Variants in CPT2 observed in about 807,000 individuals in gnomAD.
The protein encoded by CPT2 is carnitine palmitoyltransferase 2.
A neutral mutation model predicts 48.6 loss-of-function variants in CPT2; 37 were observed. The observed-to-expected ratio is 0.76, with a 90% CI of 0.59 to 1.00. The LOEUF is 1.00. Among genes scored for constraint, CPT2 ranks in the 50% least tolerant of loss-of-function variants. CPT2 has a pLI of 0.00. For missense variants in CPT2, 772 were observed against 825.6 expected (o/e 0.94, Z 0.80); for synonymous variants, 319 against 326.9 (o/e 0.98, Z 0.26).
chr1:53,208,349 C>T (rs557420210), intron 3 of CPT2: 2 of 152,310 alleles, frequency 1.3e-5, no homozygotes, highest in South Asian at 2.1e-4. Flanking sequence ...TAATCCTTTT[C>T]CCAGTGCTAT....
chr1:53,202,765 T>G, intron 3 of CPT2: 1 of 329,496 alleles, frequency 3.0e-6, no homozygotes, highest in Non-Finnish European at 5.9e-6. Flanking sequence ...AACTGTCCTC[T>G]CCAGCCTCTT....
intron 3 of CPT2, chr1:53,209,543 A>G (rs1645407968): frequency 5.1e-6 from 1 of 194,904 alleles, no homozygotes; most frequent in Admixed American, 5.3e-5. Flanking sequence ...TAGGAGGCCG[A>G]GGCGGGTGGA....
At chr1:53,205,039 A>T (rs1225461578) in intron 3 of CPT2, among the ~76,000 whole-genome samples, 1 of 152,234 alleles carries the variant, frequency 6.6e-6, no homozygotes, top group Non-Finnish European at 1.5e-5. Flanking sequence ...TGCTACAAAG[A>T]TACCTGAAAA....
intron 3 of CPT2, among the ~76,000 whole-genome samples, chr1:53,205,114 A>C (rs1021703738): frequency 6.6e-6 from 1 of 152,206 alleles, no homozygotes; most frequent in South Asian, 2.1e-4. Context: ...GGTCAGAAGA[A>C]GACAGGAAGA....
At position 53,213,487 on chromosome 1, in the gene CPT2, C is replaced by T. The variant is rs1645444136; in HGVS notation, c.1869C>T (p.Cys623=). 1.9e-6 allele frequency: 3 copies of T among 1,614,282 alleles called. No homozygotes were observed. Among genetic ancestry groups the T allele is most frequent in the Non-Finnish European group, 2.5e-6 (3 of 1,180,044 alleles). The change falls in exon 5 of 5, where the codon TGC becomes TGT. Residue 623 remains cysteine (C), a synonymous_variant. Transcript: ENST00000371486. The stretch of plus-strand genomic sequence containing the variant: ...CTGTTCATGACAACTGGATAGGCTG[C>T]AATGTCTCTTCCTACCCAGGCCGCA... The part of the protein sequence containing the change: ...GYAVHDNWIG[C]NVSSYPGRNA...
chr1:53,203,022 A>G (rs962444305), intron 3 of CPT2: 1 of 157,762 alleles, frequency 6.3e-6, no homozygotes, highest in Non-Finnish European at 1.4e-5. Flanking sequence ...TAGTTTATAT[A>G]TTTACCAAGG....
At position 53,210,987 on chromosome 1, in the gene CPT2, T is replaced by A. The variant is rs377616144; in HGVS notation, c.1313T>A (p.Met438Lys). Reference protein sequence around the residue: ...TAAKEKFDATMKTLTIDCVQF... With the variant: ...TAAKEKFDATKKTLTIDCVQF... Reference sequence around the variant, plus strand: ...GCTAAGGAAAAGTTTGATGCCACCATGAAAACCCTCACTATTGACTGCGTC... The same window carrying A: ...GCTAAGGAAAAGTTTGATGCCACCAAGAAAACCCTCACTATTGACTGCGTC... The change falls in exon 4 of 5, where the codon ATG becomes AAG. Residue 438 changes from methionine to lysine, a missense_variant. Physicochemically the swap from Met to Lys is moderately conservative, Grantham distance 95. Transcript: ENST00000371486. 7.4e-6 allele frequency: 12 copies of A among 1,614,056 alleles called. No homozygotes were observed. The highest frequency in any genetic ancestry group is 5.5e-5 in the South Asian group (5 of 91,078).
chr1:53,197,937 C>T lies in CPT2; in HGVS notation c.152+842C>T, dbSNP rs192916683. Among the ~76,000 whole-genome samples, 492 of 152,226 alleles carry T rather than the reference C, an allele frequency of 3.2e-3. 3 individuals are homozygous for T. The highest frequency in any genetic ancestry group is 0.011 in the African/African-American group (475 of 41,536). ...CTCCTCCTCACCACTGGCTACCCTG[C>T]CTTCGAAACACTTCACCCAGAATCG... On this transcript the variant is annotated intron_variant, in intron 1 of 4. Transcript: ENST00000371486.
At chr1:53,197,497 C>T (rs1165442016) in intron 1 of CPT2, 1 of 298,398 alleles carries the variant, frequency 3.4e-6, no homozygotes, top group African/African-American at 2.3e-5. Context: ...ACATTCCTAC[C>T]CGGAATATGG....
chr1:53,199,177 C>T lies in CPT2; in HGVS notation c.153-1542C>T, dbSNP rs1037131018. Among the ~76,000 whole-genome samples, 4 of 152,174 alleles carry T rather than the reference C, an allele frequency of 2.6e-5. No homozygotes were observed. In the East Asian group the frequency reaches 5.8e-4, roughly 22 times the overall value. ...CCGGGTTCAAAGGATCCTCCCGCCTCAGCCTCCCAAGTAGCTGGGATTACA... is the reference window on the plus strand; with the variant it reads ...CCGGGTTCAAAGGATCCTCCCGCCTTAGCCTCCCAAGTAGCTGGGATTACA... On this transcript the variant is annotated intron_variant, in intron 1 of 4. Coordinates refer to ENST00000371486, the MANE Select transcript of CPT2 (RefSeq NM_000098.3).
intron 2 of CPT2, 34 bp from the exon 3 acceptor site, chr1:53,202,289 A>G: frequency 6.4e-7 from 1 of 1,554,538 alleles, no homozygotes; most frequent in South Asian, 1.1e-5. Flanking sequence ...ATTCCCTACC[A>G]TGGTTTGATT....
At chr1:53,199,603 A>G (rs1040016232) in intron 1 of CPT2, among the ~76,000 whole-genome samples, 1 of 152,246 alleles carries the variant, frequency 6.6e-6, no homozygotes, top group Non-Finnish European at 1.5e-5. Flanking sequence ...CTACTGTAAT[A>G]AAACTAAATC....
intron 4 of CPT2, 185 bp from the exon 5 acceptor site, chr1:53,213,079 T>TA: frequency 1.6e-6 from 1 of 619,044 alleles, no homozygotes; most frequent in East Asian, 2.7e-5. Flanking sequence ...ATTTCCTAAA[T>TA]AATTTAAAAT....
chr1:53,210,803 G>C lies in CPT2; in HGVS notation c.1129G>C (p.Gly377Arg). The change falls in exon 4 of 5, where the codon GGT becomes CGT. Residue 377 changes from glycine (G) to arginine (R), a missense_variant. Coordinates refer to ENST00000371486, the MANE Select transcript of CPT2 (RefSeq NM_000098.3). ...CCACTTTGAGCACTCTTGGGGTGAT[G>C]GTGTGGCAGTGCTCAGATTTTTTAA... Reference protein sequence around the residue: ...AVHFEHSWGDGVAVLRFFNEV... With the variant: ...AVHFEHSWGDRVAVLRFFNEV... 1 of 1,614,126 alleles carries C rather than the reference G, an allele frequency of 6.2e-7. No homozygotes were observed. Among genetic ancestry groups the C allele is most frequent in the Non-Finnish European group, 8.5e-7 (1 of 1,180,012 alleles).
Position 53,210,384 on chromosome 1 carries a change from A to G in CPT2, c.710A>G (p.Asp237Gly), listed in dbSNP as rs1421466969. Residue 237 changes from aspartate to glycine, a missense_variant, in exon 4 of 5, where the codon GAT becomes GGT. By Grantham distance (94) the Asp-to-Gly change is moderately conservative. Coordinates refer to ENST00000371486, the MANE Select transcript of CPT2 (RefSeq NM_000098.3). ...PKPSRDELFT[D>G]DKARHLLVLR... is the part of the protein sequence containing the mutation. ...CCCAGTCGGGATGAACTCTTCACTGATGACAAGGCCAGACACCTCCTGGTC... is the reference window on the plus strand; with the variant it reads ...CCCAGTCGGGATGAACTCTTCACTGGTGACAAGGCCAGACACCTCCTGGTC... The G allele has an allele frequency of 1.2e-6, 2 of 1,613,998 alleles. No individual in the cohort carries two copies. The highest frequency in any genetic ancestry group is 1.7e-6 in the Non-Finnish European group (2 of 1,180,040).
Position 53,210,887 on chromosome 1 carries a change from A to G in CPT2, c.1213A>G (p.Thr405Ala), listed in dbSNP as rs1478099144. Reference sequence around the variant, plus strand: ...CGTCACTCCACAGAGCCAGCCAGCTACCACTGACTCTACTGTCACGGTGCA... The same window carrying G: ...CGTCACTCCACAGAGCCAGCCAGCTGCCACTGACTCTACTGTCACGGTGCA... ...PAVTPQSQPA[T>A]TDSTVTVQKL... Residue 405 changes from threonine to alanine, a missense_variant, in exon 4 of 5, where the codon ACC (threonine) becomes GCC (alanine). Thr to Ala is a moderately conservative substitution (Grantham distance 58). Transcript: ENST00000371486. The G allele has an allele frequency of 6.2e-7, 1 of 1,614,172 alleles. No homozygotes were observed. Among genetic ancestry groups the G allele is most frequent in the Non-Finnish European group, 8.5e-7 (1 of 1,180,030 alleles).
intron 3 of CPT2, chr1:53,209,073 C>T (rs1375010523): frequency 6.6e-6 from 1 of 152,162 alleles, no homozygotes; most frequent in African/African-American, 2.4e-5. Context: ...CAACATAATT[C>T]TTAATAGCTA....
chr1:53,201,371 T>A (rs983327310), intron 2 of CPT2: 1 of 160,846 alleles, frequency 6.2e-6, no homozygotes, highest in Non-Finnish European at 1.4e-5. Context: ...CAGGCAGAGA[T>A]TGTGTCCTCT....
In CPT2 at chr1:53,213,160, T is replaced by C. The variant is rs1645440502; in HGVS notation, c.1646-104T>C. The C allele has an allele frequency of 9.8e-6, 11 of 1,120,842 alleles. No individual in the cohort carries two copies. The South Asian group carries it at 1.4e-4, about 14-fold the overall frequency. 69.4% of individuals were successfully genotyped at this position (1,120,842 alleles called of 1,614,324 possible). On this transcript the variant is annotated intron_variant, in intron 4 of 4. Coordinates refer to ENST00000371486, the MANE Select transcript of CPT2 (RefSeq NM_000098.3). ...ATAGAGGTAGAGCCTTCCCCCACTCTCAAGGATGCTGTGAGGGGTATTCCT... is the reference window on the plus strand; with the variant it reads ...ATAGAGGTAGAGCCTTCCCCCACTCCCAAGGATGCTGTGAGGGGTATTCCT...
Sources: gnomAD v4.1 joint callset for allele counts (sites outside exome capture counted in the v4.1 genomes callset) on GRCh38, gnomAD v4.1.1 for gene constraint, MANE v1.5 for transcripts, NCBI Gene and HGNC (gene_info 2026-07-23, HGNC 2026-07-21) for gene names.